The following FASTKD1 variants were observed in gnomAD, a reference collection of about 807,000 sequenced individuals.
The protein encoded by FASTKD1 is FAST kinase domain-containing protein 1, mitochondrial.
FASTKD1 carries 94 observed loss-of-function variants against 90.9 expected under a neutral mutation model. The ratio of observed to expected loss-of-function variants is 1.03; its 90% CI spans 0.88 to 1.23. The LOEUF is 1.23. Ranked by LOEUF, FASTKD1 falls within the 50% of genes most tolerant of loss-of-function variation. The probability of loss-of-function intolerance (pLI) is 0.00; values close to 1 mark genes in which losing one functional copy is unlikely to be tolerated. For missense variants in FASTKD1, 945 were observed against 993.5 expected (o/e 0.95, Z 0.66); for synonymous variants, 319 against 345.8 (o/e 0.92, Z 0.86).
Position 169,567,129 on chromosome 2 carries a change from A to G in FASTKD1, c.446+2055T>C, listed in dbSNP as rs565959916. Reference sequence around the variant, plus strand: ...GACTCTGTCTCAAAAAAAAAAAAACATAAGTTTATAGATATTTTAGCAAGA... The same window carrying G: ...GACTCTGTCTCAAAAAAAAAAAAACGTAAGTTTATAGATATTTTAGCAAGA... On this transcript the variant is annotated intron_variant, in intron 3 of 14. Coordinates refer to ENST00000453153, the MANE Select transcript of FASTKD1 (RefSeq NM_024622.6). Among the ~76,000 whole-genome samples, 1,257 of 151,756 alleles carry G rather than the reference A, an allele frequency of 8.3e-3. 11 individuals carry two copies. The highest frequency in any genetic ancestry group is 0.044 in the Middle Eastern group (13 of 294).
At chr2:169,565,341 T>C (rs1326893648) in intron 3 of FASTKD1, among the ~76,000 whole-genome samples, 3 of 137,682 alleles carry the variant, frequency 2.2e-5, no homozygotes, top group Non-Finnish European at 4.6e-5. Context: ...CGGCTCACTG[T>C]AAGCTCCGCC....
intron 12 of FASTKD1, among the ~76,000 whole-genome samples, chr2:169,536,110 AT>A (rs1212984921): frequency 2.0e-5 from 3 of 152,190 alleles, no homozygotes; most frequent in African/African-American, 7.2e-5. Context: ...CCCTGTCTCT[AT>A]AAAAAAATTA....
chr2:169,547,992 T>A (rs1574384880), intron 7 of FASTKD1, among the ~76,000 whole-genome samples: 2 of 115,318 alleles, frequency 1.7e-5, no homozygotes, highest in Admixed American at 9.3e-5. Context: ...ATGCCCTCCG[T>A]CTCAAAAAAA....
intron 12 of FASTKD1, chr2:169,531,740 A>T: frequency 2.7e-6 from 1 of 370,140 alleles, no homozygotes. Context: ...GGCTACATTT[A>T]GCGCTGGGCT....
intron 4 of FASTKD1, among the ~76,000 whole-genome samples, chr2:169,561,294 A>G (rs1305181294): frequency 6.6e-6 from 1 of 151,836 alleles, no homozygotes. Flanking sequence ...AAGAAAAAAA[A>G]AAAGGCAGGG....
chr2:169,546,998 T>A (rs1685237328), intron 7 of FASTKD1, among the ~76,000 whole-genome samples: 1 of 152,110 alleles, frequency 6.6e-6, no homozygotes, highest in Non-Finnish European at 1.5e-5. Flanking sequence ...GAACTTGGTC[T>A]CTAAGACTAA....
At chr2:169,561,767 A>G (rs1683629625) in intron 4 of FASTKD1, among the ~76,000 whole-genome samples, 1 of 139,884 alleles carries the variant, frequency 7.1e-6, no homozygotes, top group Non-Finnish European at 1.6e-5. Flanking sequence ...TTATTAATTT[A>G]TTGTAAATTA....
chr2:169,565,162 G>A (rs1683903649), intron 3 of FASTKD1, among the ~76,000 whole-genome samples: 1 of 149,356 alleles, frequency 6.7e-6, no homozygotes, highest in African/African-American at 2.5e-5. Flanking sequence ...CCATGTTGAG[G>A]CTGGTCTCGA....
Position 169,571,999 on chromosome 2 carries a change from A to G in FASTKD1, c.31T>C (p.Leu11=), listed in dbSNP as rs759744604. 2.5e-6 allele frequency: 4 copies of G among 1,593,848 alleles called. No homozygotes were observed. The South Asian group carries it at 3.4e-5, about 14-fold the overall frequency. The change falls in exon 2 of 15, where the codon TTG becomes CTG. Residue 11 remains leucine (L), a synonymous_variant. Transcript: ENST00000453153. MKKTPVFLES[L]VTNMLRLRAI... ...CTTAGACGAAGCATATTTGTAACCA[A>G]TGACTCTAGGAAAACAGGTGTTTTT...
chr2:169,551,056 C>G (rs1685469513), intron 7 of FASTKD1, among the ~76,000 whole-genome samples: 1 of 152,150 alleles, frequency 6.6e-6, no homozygotes, highest in Non-Finnish European at 1.5e-5. Flanking sequence ...TATAATACCA[C>G]AACATACCCA....
At chr2:169,556,435 CAAA>C (rs371169439) in intron 6 of FASTKD1, among the ~76,000 whole-genome samples, 1 of 82,712 alleles carries the variant, frequency 1.2e-5, no homozygotes. Context: ...TACCCTGTCT[CAAA>C]AAAAAAAAAC....
chr2:169,557,444 T>C, intron 5 of FASTKD1, 147 bp from the exon 6 acceptor site: 1 of 488,494 alleles, frequency 2.0e-6, no homozygotes, highest in South Asian at 2.7e-5. Flanking sequence ...TCTCCCCACA[T>C]TACTCGAATA....
intron 6 of FASTKD1, 33 bp downstream of exon 6, chr2:169,557,154 C>T (rs1683355743): frequency 1.5e-6 from 2 of 1,377,908 alleles, no homozygotes; most frequent in Non-Finnish European, 2.1e-6. Context: ...TGAATGACAA[C>T]AAACTTAACG....
chr2:169,557,911 G>A (rs1157720324), intron 5 of FASTKD1, among the ~76,000 whole-genome samples: 1 of 152,116 alleles, frequency 6.6e-6, no homozygotes, highest in Non-Finnish European at 1.5e-5. Context: ...ACATCTGATA[G>A]GATAAACTAA....
chr2:169,569,398 A>C, intron 2 of FASTKD1, 146 bp from the exon 3 acceptor site: 1 of 742,928 alleles, frequency 1.3e-6, no homozygotes, highest in Non-Finnish European at 2.2e-6. Flanking sequence ...TCTTATTTCA[A>C]TATTCTGATT....
chr2:169,549,543 CA>C, intron 7 of FASTKD1, among the ~76,000 whole-genome samples: 1 of 152,278 alleles, frequency 6.6e-6, no homozygotes, highest in Admixed American at 6.5e-5. Flanking sequence ...TAGCTCATTG[CA>C]GCCTTGACCT....
intron 7 of FASTKD1, among the ~76,000 whole-genome samples, chr2:169,549,937 T>A (rs1323575176): frequency 6.6e-6 from 1 of 152,244 alleles, no homozygotes; most frequent in Non-Finnish European, 1.5e-5. Context: ...AAAAGTATTT[T>A]AATTTTATCA....
chr2:169,543,178 T>C (rs1685032196), intron 9 of FASTKD1, among the ~76,000 whole-genome samples: 1 of 151,980 alleles, frequency 6.6e-6, no homozygotes, highest in African/African-American at 2.4e-5. Context: ...TAAAAAAAAG[T>C]TATAGCCAGG....
chr2:169,549,422 AAAAT>A (rs1231987247), intron 7 of FASTKD1, among the ~76,000 whole-genome samples: 1 of 152,152 alleles, frequency 6.6e-6, no homozygotes, highest in Admixed American at 6.5e-5. Context: ...ATTAAAAATA[AAAAT>A]AAATAAATAA....
Sources: gnomAD v4.1 joint callset for allele counts (sites outside exome capture counted in the v4.1 genomes callset) on GRCh38, gnomAD v4.1.1 for gene constraint, MANE v1.5 for transcripts, NCBI Gene and HGNC (gene_info 2026-07-23, HGNC 2026-07-21) for gene names.